Variants in NBEA observed in about 807,000 individuals in gnomAD.
The protein encoded by NBEA is neurobeachin, also known as lysosomal-trafficking regulator 2.
In NBEA, 44 loss-of-function variants were observed where a neutral mutation model predicts 343.4. That is an observed-to-expected ratio of 0.13 (90% CI 0.10 to 0.16). The LOEUF is 0.16. Ranked by LOEUF, NBEA falls within the 10% of genes least tolerant of loss-of-function variation. The probability of loss-of-function intolerance (pLI) is 1.00; values close to 1 mark genes in which losing one functional copy is unlikely to be tolerated. For synonymous variants in NBEA, 1,175 were observed against 1,238.7 expected, an observed-to-expected ratio of 0.95 and a Z score of 1.08; for missense variants, 2,555 against 3,631.3, an observed-to-expected ratio of 0.70 and a Z score of 7.62.
Position 35,666,410 on chromosome 13 carries a change from T to TA in NBEA, c.8465-947dup, listed in dbSNP as rs75335884. ...GTAATATCATTTTACCCTGTGAAGT[T>TA]AAAAAAAAAAAAAAAAAGGAAAATA... On this transcript the variant is annotated intron_variant, in intron 56 of 58. Coordinates refer to ENST00000379939, the MANE Select transcript of NBEA (RefSeq NM_001385012.1). 5.0e-3 allele frequency among the ~76,000 whole-genome samples: 626 copies of TA among 125,588 alleles called. 2 individuals are homozygous for TA. Among genetic ancestry groups the TA allele is most frequent in the African/African-American group, 9.1e-3 (313 of 34,234 alleles). 82.4% of individuals were successfully genotyped at this position (125,588 alleles called of 152,430 possible).
chr13:35,049,110 A>G (rs1425004961), intron 5 of NBEA, among the ~76,000 whole-genome samples: 1 of 151,834 alleles, frequency 6.6e-6, no homozygotes, highest in Non-Finnish European at 1.5e-5. Flanking sequence ...TAACTATGTA[A>G]GAAATTATAA....
intron 41 of NBEA, among the ~76,000 whole-genome samples, chr13:35,513,623 T>G (rs934748930): frequency 2.0e-5 from 3 of 152,068 alleles, no homozygotes; most frequent in African/African-American, 4.8e-5. Context: ...GAATTATAAT[T>G]TATATATTCC....
chr13:35,288,213 T>A (rs961579605), intron 34 of NBEA, among the ~76,000 whole-genome samples: 2 of 152,056 alleles, frequency 1.3e-5, no homozygotes, highest in African/African-American at 4.8e-5. Context: ...AGTCAGTGGT[T>A]GTATTTTCAT....
At chr13:35,616,480 C>G (rs958728395) in intron 48 of NBEA, among the ~76,000 whole-genome samples, 31 of 152,270 alleles carry the variant, frequency 2.0e-4, no homozygotes, top group African/African-American at 7.5e-4. Context: ...TGGTCTGTCT[C>G]AGTACACATG....
chr13:34,991,142 C>T (rs2060736424), intron 1 of NBEA, among the ~76,000 whole-genome samples: 1 of 152,160 alleles, frequency 6.6e-6, no homozygotes, highest in Non-Finnish European at 1.5e-5. Flanking sequence ...CCTTGGTCTT[C>T]CTGTCTTATG....
chr13:35,155,628 A>G (rs2069118468), intron 18 of NBEA, 146 bp from the exon 19 acceptor site: 1 of 600,518 alleles, frequency 1.7e-6, no homozygotes, highest in Non-Finnish European at 2.8e-6. Flanking sequence ...TCTTGAAAGA[A>G]AGAAAGAAAA....
intron 31 of NBEA, among the ~76,000 whole-genome samples, chr13:35,201,919 C>T (rs952897128): frequency 2.0e-5 from 3 of 151,998 alleles, no homozygotes; most frequent in African/African-American, 7.2e-5. Context: ...TCTCTCACCC[C>T]AAATTTATCT....
chr13:35,179,769 A>C (rs2071180509), intron 28 of NBEA: 1 of 984,646 alleles, frequency 1.0e-6, no homozygotes, highest in African/African-American at 1.7e-5. Context: ...GGTCTGTCAC[A>C]GCTTGAGCAA....
intron 1 of NBEA, among the ~76,000 whole-genome samples, chr13:34,963,554 G>A (rs2059726588): frequency 6.6e-6 from 1 of 151,956 alleles, no homozygotes; most frequent in Non-Finnish European, 1.5e-5. Context: ...GCGAAAATAA[G>A]GGTAAAATGA....
intron 31 of NBEA, among the ~76,000 whole-genome samples, chr13:35,199,946 C>T (rs770115439): frequency 3.3e-5 from 5 of 151,906 alleles, no homozygotes; most frequent in Non-Finnish European, 7.4e-5. Context: ...CTCAGTGATC[C>T]GAACAGATGT....
intron 17 of NBEA, among the ~76,000 whole-genome samples, chr13:35,137,918 T>TA (rs888165491): frequency 1.3e-4 from 19 of 151,776 alleles, no homozygotes; most frequent in African/African-American, 3.1e-4. Context: ...TCAAGAAAAT[T>TA]AAAAAAAACC....
intron 44 of NBEA, among the ~76,000 whole-genome samples, chr13:35,557,028 T>C (rs2079603682): frequency 6.6e-6 from 1 of 151,456 alleles, no homozygotes; most frequent in Non-Finnish European, 1.5e-5. Context: ...CACCATTAGG[T>C]GATTTTTTTT....
At chr13:35,475,441 T>A in intron 41 of NBEA, 1 of 1,613,272 alleles carries the variant, frequency 6.2e-7, no homozygotes, top group Non-Finnish European at 8.5e-7. Flanking sequence ...CTCCGCGAAC[T>A]GCAGCACCCA....
At chr13:35,013,154 A>T (rs1265763934) in intron 1 of NBEA, among the ~76,000 whole-genome samples, 1 of 152,194 alleles carries the variant, frequency 6.6e-6, no homozygotes, top group African/African-American at 2.4e-5. Context: ...AATAGTTTCA[A>T]ATATTTCAGT....
chr13:35,341,376 CA>C (rs959812574), intron 36 of NBEA, among the ~76,000 whole-genome samples: 3 of 150,766 alleles, frequency 2.0e-5, no homozygotes, highest in Non-Finnish European at 4.4e-5. Flanking sequence ...AAAGGACAAG[CA>C]AAAAAAAGTA....
At chr13:35,467,332 C>T (rs1409855970) in intron 40 of NBEA, among the ~76,000 whole-genome samples, 1 of 151,968 alleles carries the variant, frequency 6.6e-6, no homozygotes, top group African/African-American at 2.4e-5. Context: ...ATTAGCTGGG[C>T]ATGGTGGTAT....
Position 35,211,162 on chromosome 13 carries a change from T to G in NBEA, c.5631T>G (p.Asp1877Glu). 2 of 1,554,742 alleles carry G rather than the reference T, an allele frequency of 1.3e-6. No individual in the cohort carries two copies. The highest frequency in any genetic ancestry group is 1.7e-6 in the Non-Finnish European group (2 of 1,148,020). ...AVQTVAPMPE[D>E]SAENMSITAK... ...AAACTGTTGCTCCAATGCCAGAAGATTCAGCTGAAAATATGAGGTATGCAT... is the reference window on the plus strand; with the variant it reads ...AAACTGTTGCTCCAATGCCAGAAGAGTCAGCTGAAAATATGAGGTATGCAT... Residue 1877 changes from aspartate to glutamate, a missense_variant, in exon 33 of 59, where the codon GAT becomes GAG. By Grantham distance (45) the Asp-to-Glu change is conservative (BLOSUM62 2). This residue lies in a region of NBEA where 84 missense variants were observed against 196.4 expected (regional missense o/e 0.43). Transcript: ENST00000379939.
intron 31 of NBEA, 95 bp downstream of exon 31, chr13:35,196,397 A>C (rs2072600015): frequency 8.8e-7 from 1 of 1,142,466 alleles, no homozygotes; most frequent in African/African-American, 1.6e-5. Context: ...TGAAAACTTT[A>C]TTAACGTAGA....
intron 28 of NBEA, among the ~76,000 whole-genome samples, chr13:35,180,111 T>A (rs2071211377): frequency 6.6e-6 from 1 of 151,758 alleles, no homozygotes; most frequent in South Asian, 2.1e-4. Context: ...GCACATAAAT[T>A]ATGAATCTTG....
Sources: gnomAD v4.1 joint callset for allele counts (sites outside exome capture counted in the v4.1 genomes callset) on GRCh38, gnomAD v4.1.1 for gene constraint, gnomAD v4.1.1 regional missense constraint, MANE v1.5 for transcripts, NCBI Gene and HGNC (gene_info 2026-07-23, HGNC 2026-07-21) for gene names.